Variants in SEPTIN7 observed in about 807,000 individuals in gnomAD.
SEPTIN7 encodes the protein septin 7, also known as septin-7.
In SEPTIN7, 10 loss-of-function variants were observed where a neutral mutation model predicts 63.3. The observed-to-expected ratio is 0.16, with a 90% CI of 0.10 to 0.27. SEPTIN7 has a LOEUF of 0.27. Ranked by LOEUF, SEPTIN7 falls within the 10% of genes least tolerant of loss-of-function variation. The probability of loss-of-function intolerance (pLI) is 1.00; values close to 1 mark genes in which losing one functional copy is unlikely to be tolerated. For missense variants in SEPTIN7, 310 were observed against 521.0 expected (o/e 0.59, Z 3.94); for synonymous variants, 131 against 165.3 (o/e 0.79, Z 1.59).
chr7:35,814,494 T>TA (rs1788924878), intron 1 of SEPTIN7, among the ~76,000 whole-genome samples: 2 of 152,086 alleles, frequency 1.3e-5, no homozygotes, highest in Admixed American at 1.3e-4. Context: ...AGGGTTTTTT[T>TA]AATATTTTAG....
In SEPTIN7 at chr7:35,905,341, T is replaced by C. The variant is rs1468984626; in HGVS notation, c.*1048T>C. 1 of 152,592 alleles carries C rather than the reference T, an allele frequency of 6.6e-6. No individual in the cohort carries two copies. The highest frequency in any genetic ancestry group is 2.4e-5 in the African/African-American group (1 of 41,462). The allele number at this position is 152,592 out of a possible 1,614,324, so 9.5% of individuals were successfully genotyped here. ...GAGGTCTTAAATATCCTACAGTCGA[T>C]GTACAAGAGTAGAGTATGTTTGGGA... On this transcript the variant is annotated 3_prime_UTR_variant, in exon 14 of 14. Coordinates refer to ENST00000350320, the MANE Select transcript of SEPTIN7 (RefSeq NM_001788.6).
At position 35,898,368 on chromosome 7, in the gene SEPTIN7, G is replaced by A. The variant is rs1421267215; in HGVS notation, c.1119G>A (p.Lys373=). 6.5e-7 allele frequency: 1 copy of A among 1,547,228 alleles called. No individual in the cohort carries two copies. The highest frequency in any genetic ancestry group is 2.4e-5 in the East Asian group (1 of 40,828). Residue 373 remains lysine, a synonymous_variant, in exon 12 of 14, where the codon AAG becomes AAA. Coordinates refer to ENST00000350320, the MANE Select transcript of SEPTIN7 (RefSeq NM_001788.6). ...MKVKEKVQKL[K]DSEAELQRRH... is the part of the protein sequence containing the mutation. ...TCAAAGAAAAAGTTCAAAAACTGAA[G>A]GACTCTGAAGCTGAGGTAATCAGTC... is the stretch of plus-strand genomic sequence containing the variant.
chr7:35,843,047 G>T (rs1410416837), intron 3 of SEPTIN7, among the ~76,000 whole-genome samples: 1 of 151,900 alleles, frequency 6.6e-6, no homozygotes, highest in Non-Finnish European at 1.5e-5. Flanking sequence ...TATTTGTATT[G>T]TCCTCTGATG....
intron 3 of SEPTIN7, among the ~76,000 whole-genome samples, chr7:35,835,965 A>T (rs1207736445): frequency 6.6e-6 from 1 of 152,176 alleles, no homozygotes; most frequent in African/African-American, 2.4e-5. Flanking sequence ...ATTGTGCTTT[A>T]TGGATGATAT....
intron 1 of SEPTIN7, among the ~76,000 whole-genome samples, chr7:35,825,252 C>A (rs1783439647): frequency 6.6e-6 from 1 of 152,174 alleles, no homozygotes; most frequent in South Asian, 2.1e-4. Flanking sequence ...AAGATGAAGT[C>A]TAAGTTCCTA....
chr7:35,860,319 G>T (rs1785438038), intron 3 of SEPTIN7, among the ~76,000 whole-genome samples: 1 of 152,020 alleles, frequency 6.6e-6, no homozygotes, highest in African/African-American at 2.4e-5. Flanking sequence ...TATTAACACA[G>T]ATTCATGATT....
intron 3 of SEPTIN7, among the ~76,000 whole-genome samples, chr7:35,862,955 A>G (rs914391234): frequency 1.3e-5 from 2 of 151,972 alleles, no homozygotes; most frequent in African/African-American, 4.8e-5. Context: ...CTTCATGTCT[A>G]CCTCCTACCT....
At chr7:35,845,211 GTA>G (rs945112545) in intron 3 of SEPTIN7, among the ~76,000 whole-genome samples, 12 of 152,078 alleles carry the variant, frequency 7.9e-5, no homozygotes, top group African/African-American at 2.9e-4. Flanking sequence ...AGATAATTGT[GTA>G]TATGAGTGTA....
chr7:35,892,213 T>C (rs79694197), intron 11 of SEPTIN7, among the ~76,000 whole-genome samples: 14,678 of 152,228 alleles, frequency 0.096, 818 homozygotes, highest in South Asian at 0.2. Flanking sequence ...AAAATAGCTA[T>C]AGTATTTTCC....
At chr7:35,857,852 T>C (rs1037604744) in intron 3 of SEPTIN7, among the ~76,000 whole-genome samples, 1 of 152,148 alleles carries the variant, frequency 6.6e-6, no homozygotes, top group African/African-American at 2.4e-5. Context: ...GAAACCTTCA[T>C]CACTGTTTCC....
At position 35,883,882 on chromosome 7, in the gene SEPTIN7, G is replaced by A. The variant is rs751917756; in HGVS notation, c.724-9G>A. On this transcript the variant is annotated splice_polypyrimidine_tract_variant and intron_variant, in intron 8 of 13. Coordinates refer to ENST00000350320, the MANE Select transcript of SEPTIN7 (RefSeq NM_001788.6). ...AGATGTATTTGAACAAGAATACTTT[G>A]TTTTATAGGACCGTTTACCTCTTGC... The A allele has an allele frequency of 1.9e-6, 3 of 1,544,020 alleles. No individual in the cohort carries two copies. In the East Asian group the frequency reaches 6.8e-5, roughly 35 times the overall value.
intron 1 of SEPTIN7, among the ~76,000 whole-genome samples, chr7:35,817,676 A>G (rs1183546084): frequency 6.6e-6 from 1 of 152,034 alleles, no homozygotes; most frequent in African/African-American, 2.4e-5. Context: ...ATTAATGCAA[A>G]GTATCTTCTG....
At chr7:35,874,820 C>G (rs1181626608) in intron 6 of SEPTIN7, among the ~76,000 whole-genome samples, 1 of 152,108 alleles carries the variant, frequency 6.6e-6, no homozygotes, top group Non-Finnish European at 1.5e-5. Context: ...ACAGTACTCT[C>G]AGTTTACATG....
At chr7:35,830,409 G>C (rs562641933) in intron 1 of SEPTIN7, among the ~76,000 whole-genome samples, 1 of 152,240 alleles carries the variant, frequency 6.6e-6, no homozygotes, top group African/African-American at 2.4e-5. Context: ...GGAACTACTT[G>C]AGGAGCTTTA....
intron 1 of SEPTIN7, among the ~76,000 whole-genome samples, chr7:35,828,577 C>G (rs1396811838): frequency 6.6e-6 from 1 of 152,120 alleles, no homozygotes; most frequent in Non-Finnish European, 1.5e-5. Flanking sequence ...TGGGGTTTCA[C>G]CATGTTGGCC....
intron 10 of SEPTIN7, among the ~76,000 whole-genome samples, chr7:35,887,339 C>CT (rs1787322446): frequency 6.6e-6 from 1 of 152,122 alleles, no homozygotes; most frequent in African/African-American, 2.4e-5. Flanking sequence ...GAGGGGAAAG[C>CT]TAGTTACTGA....
At chr7:35,830,548 T>C (rs896699154) in intron 1 of SEPTIN7, among the ~76,000 whole-genome samples, 2 of 152,226 alleles carry the variant, frequency 1.3e-5, no homozygotes, top group African/African-American at 2.4e-5. Flanking sequence ...AGAGAAACAC[T>C]GTAGGCCATC....
At chr7:35,819,235 A>G (rs2115777649) in intron 1 of SEPTIN7, among the ~76,000 whole-genome samples, 1 of 152,104 alleles carries the variant, frequency 6.6e-6, no homozygotes, top group African/African-American at 2.4e-5. Context: ...GTACTGTTTA[A>G]TTTTCACAAG....
intron 3 of SEPTIN7, among the ~76,000 whole-genome samples, chr7:35,834,848 C>G (rs1157067035): frequency 6.6e-6 from 1 of 152,098 alleles, no homozygotes; most frequent in Non-Finnish European, 1.5e-5. Context: ...AAACTTTCAG[C>G]TATTCCTTAT....
Sources: allele counts gnomAD v4.1 joint callset (sites outside exome capture counted in the v4.1 genomes callset), GRCh38; gene constraint gnomAD v4.1.1; transcripts MANE v1.5; gene names NCBI Gene and HGNC (gene_info 2026-07-23, HGNC 2026-07-21).